Variants in IGSF11 observed in about 807,000 individuals in gnomAD.
The protein encoded by IGSF11 is immunoglobulin superfamily member 11, also known as CXADR like 1.
In IGSF11, 22 loss-of-function variants were observed where a neutral mutation model predicts 41.0. That is an observed-to-expected ratio of 0.54 (90% CI 0.38 to 0.77). IGSF11 has a LOEUF of 0.77. Ranked by LOEUF, IGSF11 falls within the 30% of genes least tolerant of loss-of-function variation. IGSF11 has a pLI of 0.00. For synonymous variants in IGSF11, 219 were observed against 201.3 expected, an observed-to-expected ratio of 1.09 and a Z score of -0.74; for missense variants, 444 against 530.8, an observed-to-expected ratio of 0.84 and a Z score of 1.61.
chr3:119,118,541 G>C (rs1316012380), intron 1 of IGSF11, among the ~76,000 whole-genome samples: 2 of 152,196 alleles, frequency 1.3e-5, no homozygotes, highest in Non-Finnish European at 2.9e-5. Context: ...AGGCCTCCAG[G>C]CCTCTGATGG....
upstream of IGSF11, chr3:119,034,854 C>T: frequency 1.6e-6 from 2 of 1,217,092 alleles, no homozygotes; most frequent in Non-Finnish European, 1.0e-6. Flanking sequence ...ACTAGCCGAC[C>T]CCTCGCGCAG....
intron 1 of IGSF11, among the ~76,000 whole-genome samples, chr3:119,017,757 G>C (rs2107706859): frequency 6.7e-6 from 1 of 148,582 alleles, no homozygotes; most frequent in South Asian, 2.2e-4. Flanking sequence ...GGCAAGAACT[G>C]AGTTTTTTGT....
At chr3:118,925,082 G>T (rs1405939975) in intron 4 of IGSF11, among the ~76,000 whole-genome samples, 1 of 152,106 alleles carries the variant, frequency 6.6e-6, no homozygotes, top group Non-Finnish European at 1.5e-5. Flanking sequence ...AAGTTATTAT[G>T]TTGAAAAGAA....
At chr3:118,977,680 A>C (rs1934269105) in intron 1 of IGSF11, among the ~76,000 whole-genome samples, 1 of 152,204 alleles carries the variant, frequency 6.6e-6, no homozygotes. Flanking sequence ...AGTGGTCCAC[A>C]TTCCCATCAT....
At chr3:119,046,172 G>A (rs1941342131) in intron 1 of IGSF11, among the ~76,000 whole-genome samples, 2 of 150,658 alleles carry the variant, frequency 1.3e-5, no homozygotes, top group African/African-American at 4.9e-5. Context: ...GAGAGAAGAA[G>A]GCTTCAGACG....
chr3:118,904,579 A>C (rs1939343308), intron 6 of IGSF11, 69 bp downstream of exon 6: 2 of 1,142,928 alleles, frequency 1.7e-6, no homozygotes, highest in Admixed American at 2.1e-5. Context: ...GATATATCTT[A>C]ACTGACACAA....
chr3:118,942,437 A>T (rs1336788748), intron 1 of IGSF11, among the ~76,000 whole-genome samples: 1 of 152,236 alleles, frequency 6.6e-6, no homozygotes, highest in African/African-American at 2.4e-5. Context: ...AGCTCAACAT[A>T]GAACTTGTTC....
intron 1 of IGSF11, among the ~76,000 whole-genome samples, chr3:118,998,077 A>C (rs1462617007): frequency 2.6e-5 from 4 of 152,156 alleles, no homozygotes. Flanking sequence ...TTTTAAGTCA[A>C]TATATAAAAT....
At chr3:119,107,379 T>C (rs2077050939), upstream of IGSF11, among the ~76,000 whole-genome samples, 1 of 152,268 alleles carries the variant, frequency 6.6e-6, no homozygotes, top group African/African-American at 2.4e-5. Context: ...GCTGCATAAA[T>C]GTCTTCTTTT....
chr3:119,129,170 T>TG (rs1327367150), intron 1 of IGSF11, among the ~76,000 whole-genome samples: 1 of 150,720 alleles, frequency 6.6e-6, no homozygotes, highest in African/African-American at 2.4e-5. Context: ...GGGGTGGGGG[T>TG]GAGGGGAGAG....
intron 4 of IGSF11, among the ~76,000 whole-genome samples, chr3:118,917,700 C>T (rs1941303326): frequency 7.1e-6 from 1 of 140,462 alleles, no homozygotes; most frequent in East Asian, 2.2e-4. Context: ...TGGTACCATT[C>T]CTTCTGAAAC....
At chr3:119,091,895 A>T (rs1476228048) in intron 1 of IGSF11, among the ~76,000 whole-genome samples, 1 of 152,012 alleles carries the variant, frequency 6.6e-6, no homozygotes, top group African/African-American at 2.4e-5. Context: ...TAAAAAATTT[A>T]AAAATAGAAA....
intron 1 of IGSF11, among the ~76,000 whole-genome samples, chr3:119,082,294 C>T (rs2076598117): frequency 6.6e-6 from 1 of 152,066 alleles, no homozygotes; most frequent in East Asian, 1.9e-4. Flanking sequence ...TACTTCATGC[C>T]ATAATATCCT....
intron 1 of IGSF11, among the ~76,000 whole-genome samples, chr3:118,952,637 G>A (rs1297758168): frequency 2.6e-5 from 4 of 151,976 alleles, no homozygotes; most frequent in Non-Finnish European, 4.4e-5. Flanking sequence ...AAGCTTCTAA[G>A]ATAAAGATGA....
chr3:119,091,384 C>A (rs2076757961), intron 1 of IGSF11, among the ~76,000 whole-genome samples: 1 of 152,146 alleles, frequency 6.6e-6, no homozygotes. Flanking sequence ...GATACTTCTG[C>A]CAAAAAGACA....
intron 1 of IGSF11, among the ~76,000 whole-genome samples, chr3:119,139,502 T>C (rs1024281655): frequency 1.3e-5 from 2 of 152,210 alleles, no homozygotes; most frequent in African/African-American, 4.8e-5. Flanking sequence ...TCTCATGAGA[T>C]CTGATGGTTT....
rs189016993 is a variant in IGSF11, at chr3:118,928,570, C to A, written c.363G>T (p.Leu121=). 3 of 1,613,848 alleles carry A rather than the reference C, an allele frequency of 1.9e-6. No individual in the cohort carries two copies. The East Asian group carries it at 6.7e-5, about 36-fold the overall frequency. ...CCCCTATGTCTGGAAGGTTGTTGAC[C>A]AGGCACTGGTAGGTGCCAGTGTCTG... ...QLSDTGTYQC[L]VNNLPDIGGR... Residue 121 remains leucine, a synonymous_variant, in exon 3 of 7, where the codon CTG becomes CTT. Transcript: ENST00000393775.
chr3:119,019,637 A>T (rs1039634758), intron 1 of IGSF11, among the ~76,000 whole-genome samples: 1 of 152,020 alleles, frequency 6.6e-6, no homozygotes, highest in Non-Finnish European at 1.5e-5. Flanking sequence ...CCCTATAGCC[A>T]CACCAAGTTC....
chr3:119,126,156 T>C (rs1284822047), intron 1 of IGSF11, among the ~76,000 whole-genome samples: 3 of 152,234 alleles, frequency 2.0e-5, no homozygotes, highest in African/African-American at 7.2e-5. Context: ...CACCCATTTC[T>C]ATAGCTCCAG....
Sources: allele counts gnomAD v4.1 joint callset (sites outside exome capture counted in the v4.1 genomes callset), GRCh38; gene constraint gnomAD v4.1.1; transcripts MANE v1.5; gene names NCBI Gene and HGNC (gene_info 2026-07-23, HGNC 2026-07-21).